Variants in ESRRG observed in about 807,000 individuals in gnomAD.
ESRRG encodes the protein estrogen related receptor gamma.
ESRRG carries 13 observed loss-of-function variants against 44.0 expected under a neutral mutation model. The observed-to-expected ratio is 0.30, with a 90% CI of 0.19 to 0.47. The LOEUF (loss-of-function observed/expected upper bound fraction) is 0.47. Among genes scored for constraint, ESRRG ranks in the 20% least tolerant of loss-of-function variants. ESRRG has a pLI of 1.00. For synonymous variants in ESRRG, 215 were observed against 214.6 expected, an observed-to-expected ratio of 1.00 and a Z score of -0.02; for missense variants, 395 against 580.6, an observed-to-expected ratio of 0.68 and a Z score of 3.29.
chr1:216,600,346 G>C (rs1215614731), intron 3 of ESRRG, among the ~76,000 whole-genome samples: 1 of 152,028 alleles, frequency 6.6e-6, no homozygotes, highest in Admixed American at 6.6e-5. Context: ...GACTTCTTTG[G>C]GTAATAATGA....
At chr1:216,780,230 AG>A (rs1417247920) in intron 2 of ESRRG, among the ~76,000 whole-genome samples, 3 of 152,036 alleles carry the variant, frequency 2.0e-5, no homozygotes, top group African/African-American at 7.2e-5. Flanking sequence ...ATGGATTCCA[AG>A]CTTAACAAAT....
chr1:216,535,217 T>C (rs566031432), intron 5 of ESRRG, among the ~76,000 whole-genome samples: 42 of 152,152 alleles, frequency 2.8e-4, no homozygotes, highest in Non-Finnish European at 5.1e-4. Flanking sequence ...AGCTACTAAC[T>C]AGCTGTGTAA....
intron 1 of ESRRG, among the ~76,000 whole-genome samples, chr1:217,048,567 G>A (rs1443518340): frequency 2.0e-5 from 3 of 152,112 alleles, no homozygotes; most frequent in Admixed American, 6.6e-5. Flanking sequence ...GCAGAAACCA[G>A]GCCCCCTTCC....
chr1:217,088,128 C>G (rs867337556), intron 1 of ESRRG, among the ~76,000 whole-genome samples: 14 of 151,890 alleles, frequency 9.2e-5, no homozygotes, highest in African/African-American at 3.4e-4. Flanking sequence ...ACATTTCCGA[C>G]TCTTTTTCTC....
At chr1:217,117,434 A>T (rs185138099) in intron 1 of ESRRG, among the ~76,000 whole-genome samples, 1 of 152,126 alleles carries the variant, frequency 6.6e-6, no homozygotes, top group African/African-American at 2.4e-5. Context: ...AACCAAAAAA[A>T]CCTAGCTAAG....
intron 1 of ESRRG, among the ~76,000 whole-genome samples, chr1:216,970,848 C>T (rs771727575): frequency 6.6e-6 from 1 of 152,156 alleles, no homozygotes; most frequent in African/African-American, 2.4e-5. Context: ...TCCAAACCTA[C>T]AGGGAAGGGA....
chr1:217,073,065 A>T (rs989565497), intron 1 of ESRRG, among the ~76,000 whole-genome samples: 54 of 151,940 alleles, frequency 3.6e-4, no homozygotes, highest in African/African-American at 1.3e-3. Context: ...AGGGTGGTTA[A>T]AAAGAAGGTT....
chr1:216,639,956 C>T (rs2066057634), intron 3 of ESRRG, among the ~76,000 whole-genome samples: 1 of 152,226 alleles, frequency 6.6e-6, no homozygotes, highest in African/African-American at 2.4e-5. Flanking sequence ...GCTTCCAAAA[C>T]CATTTCCATA....
intron 3 of ESRRG, among the ~76,000 whole-genome samples, chr1:216,649,191 C>T (rs996593949): frequency 9.2e-5 from 14 of 152,142 alleles, no homozygotes; most frequent in African/African-American, 3.4e-4. Flanking sequence ...CAAGAACCAC[C>T]TTATCTGTCT....
rs535146337 is a variant in ESRRG, at chr1:217,135,864, G to A, written c.-230+1803C>T. Among the ~76,000 whole-genome samples, 64 of 152,282 alleles carry A rather than the reference G, an allele frequency of 4.2e-4. 1 individual carries two copies. Among genetic ancestry groups the A allele is most frequent in the Non-Finnish European group, 1.8e-4 (12 of 68,012 alleles). ...GTAGCCTATAAATAGCAAACTTTTT[G>A]ACCGAAGCAACTAACAAATAAGAGG... On this transcript the variant is annotated intron_variant, in intron 1 of 8. Coordinates refer to the ESRRG transcript ENST00000366940.
At chr1:216,941,701 A>T (rs183795655) in intron 1 of ESRRG, among the ~76,000 whole-genome samples, 7 of 152,250 alleles carry the variant, frequency 4.6e-5, no homozygotes, top group African/African-American at 1.7e-4. Flanking sequence ...TTAAGTGGTG[A>T]CAACTAATCC....
intron 2 of ESRRG, among the ~76,000 whole-genome samples, chr1:216,734,904 C>CTTTTTTTTTTTT (rs11309409): frequency 1.0e-5 from 1 of 100,374 alleles, no homozygotes; most frequent in Non-Finnish European, 1.9e-5. Flanking sequence ...GTTCCATATT[C>CTTTTTTTTTTTT]TTTTTTTTTT....
At chr1:217,065,182 A>G (rs1318339237) in intron 1 of ESRRG, among the ~76,000 whole-genome samples, 1 of 152,216 alleles carries the variant, frequency 6.6e-6, no homozygotes, top group Admixed American at 6.5e-5. Flanking sequence ...ATTTCTAGTG[A>G]TTTGTGATGT....
intron 2 of ESRRG, among the ~76,000 whole-genome samples, chr1:216,844,696 G>A (rs879727125): frequency 6.6e-6 from 1 of 151,744 alleles, no homozygotes; most frequent in African/African-American, 2.4e-5. Flanking sequence ...ATACTGATGC[G>A]CCCCCATCCT....
intron 2 of ESRRG, among the ~76,000 whole-genome samples, chr1:216,769,742 G>A (rs2093298992): frequency 6.6e-6 from 1 of 152,094 alleles, no homozygotes; most frequent in South Asian, 2.1e-4. Flanking sequence ...AGGACAAATT[G>A]TCAGGAATTT....
chr1:216,591,904 A>G (rs572172679), intron 3 of ESRRG, among the ~76,000 whole-genome samples: 2 of 152,362 alleles, frequency 1.3e-5, no homozygotes, highest in South Asian at 4.1e-4. Context: ...AATTTATCGC[A>G]CCACAAAATT....
At chr1:216,956,442 T>A (rs367973624) in intron 1 of ESRRG, among the ~76,000 whole-genome samples, 3 of 152,332 alleles carry the variant, frequency 2.0e-5, no homozygotes, top group South Asian at 4.1e-4. Context: ...TTCTGAGTTA[T>A]CTACTCTGTT....
intron 2 of ESRRG, among the ~76,000 whole-genome samples, chr1:216,728,897 T>C (rs2088129373): frequency 6.6e-6 from 1 of 152,138 alleles, no homozygotes; most frequent in Admixed American, 6.5e-5. Context: ...ACTTCTAAGA[T>C]TTCTTTTTAT....
intron 2 of ESRRG, among the ~76,000 whole-genome samples, chr1:216,922,506 A>G (rs1381815267): frequency 1.3e-5 from 2 of 152,236 alleles, no homozygotes; most frequent in African/African-American, 4.8e-5. Flanking sequence ...ACAAAGAAGG[A>G]TATAGTGCTG....
Sources: gnomAD v4.1 joint callset for allele counts (sites outside exome capture counted in the v4.1 genomes callset) on GRCh38, gnomAD v4.1.1 for gene constraint, MANE v1.5 for transcripts, NCBI Gene and HGNC (gene_info 2026-07-23, HGNC 2026-07-21) for gene names.